KDM4C: variants seen among roughly 807,000 people sequenced by gnomAD.
The protein encoded by KDM4C is lysine-specific demethylase 4C.
In KDM4C, 81 loss-of-function variants were observed where a neutral mutation model predicts 129.3. The observed-to-expected ratio is 0.63, with a 90% confidence interval of 0.52 to 0.75. KDM4C has a LOEUF of 0.75. Among genes scored for constraint, KDM4C ranks in the 30% least tolerant of loss-of-function variants. The pLI, the probability that KDM4C is intolerant of heterozygous loss-of-function variation, is 0.00. For synonymous variants in KDM4C, 573 were observed against 456.1 expected, an observed-to-expected ratio of 1.26 and a Z score of -3.26; for missense variants, 1,457 against 1,304.0, an observed-to-expected ratio of 1.12 and a Z score of -1.81.
At chr9:7,069,340 G>A (rs535364595) in intron 17 of KDM4C, among the ~76,000 whole-genome samples, 8 of 152,070 alleles carry the variant, frequency 5.3e-5, no homozygotes, top group South Asian at 2.1e-4. Flanking sequence ...AGAATATTAC[G>A]CATATTTAAT....
chr9:7,048,320 A>G (rs749087029), intron 16 of KDM4C, among the ~76,000 whole-genome samples: 1 of 152,150 alleles, frequency 6.6e-6, no homozygotes, highest in African/African-American at 2.4e-5. Flanking sequence ...CTTGAAAGAC[A>G]GGATAGAGTC....
intron 4 of KDM4C, among the ~76,000 whole-genome samples, chr9:6,833,938 T>C (rs1366419299): frequency 6.6e-6 from 1 of 152,132 alleles, no homozygotes; most frequent in Non-Finnish European, 1.5e-5. Context: ...AGAAAATGCC[T>C]CTGTCGTTTT....
intron 4 of KDM4C, among the ~76,000 whole-genome samples, chr9:6,842,108 T>C (rs1837040753): frequency 6.6e-6 from 1 of 152,192 alleles, no homozygotes; most frequent in Non-Finnish European, 1.5e-5. Flanking sequence ...ATGGAGTAAC[T>C]GATAGAGCTA....
At chr9:6,948,255 T>A (rs1051012294) in intron 8 of KDM4C, 5 of 152,240 alleles carry the variant, frequency 3.3e-5, no homozygotes, top group African/African-American at 1.2e-4. Flanking sequence ...ATGAATAAAT[T>A]TGCAAAACTA....
At chr9:6,868,654 G>A (rs960152208) in intron 5 of KDM4C, among the ~76,000 whole-genome samples, 1 of 151,982 alleles carries the variant, frequency 6.6e-6, no homozygotes, top group Non-Finnish European at 1.5e-5. Context: ...ACTGACCAGA[G>A]AAACAGTTTG....
chr9:6,831,708 T>G (rs945742016), intron 4 of KDM4C, among the ~76,000 whole-genome samples: 1 of 152,042 alleles, frequency 6.6e-6, no homozygotes, highest in Non-Finnish European at 1.5e-5. Flanking sequence ...TGTCTGAATG[T>G]CTCATGGAAG....
At chr9:6,996,915 G>A (rs1819860696) in intron 12 of KDM4C, among the ~76,000 whole-genome samples, 1 of 152,132 alleles carries the variant, frequency 6.6e-6, no homozygotes. Flanking sequence ...TGGGTTATCT[G>A]ATAATACCCT....
chr9:6,726,143 G>A (rs1817120663), intron 1 of KDM4C, among the ~76,000 whole-genome samples: 1 of 151,746 alleles, frequency 6.6e-6, no homozygotes, highest in South Asian at 2.1e-4. Flanking sequence ...CGGCCAGACT[G>A]GTCTCAAACT....
chr9:7,170,498 A>G (rs1844850050), intron 21 of KDM4C: 1 of 978,392 alleles, frequency 1.0e-6, no homozygotes. Context: ...TAAAAGATGA[A>G]CAAACATGGA....
chr9:6,998,839 C>T (rs542848155), intron 12 of KDM4C, among the ~76,000 whole-genome samples: 1 of 152,042 alleles, frequency 6.6e-6, no homozygotes, highest in African/African-American at 2.4e-5. Context: ...ACAACAACAA[C>T]AAAAAATTGT....
At chr9:6,773,911 T>A (rs1319676722) in intron 1 of KDM4C, among the ~76,000 whole-genome samples, 1 of 151,874 alleles carries the variant, frequency 6.6e-6, no homozygotes, top group Non-Finnish European at 1.5e-5. Flanking sequence ...AGGCATTTAT[T>A]TTATTTATTT....
intron 8 of KDM4C, among the ~76,000 whole-genome samples, chr9:6,935,949 A>G (rs1280689616): frequency 1.3e-5 from 2 of 151,826 alleles, no homozygotes; most frequent in Non-Finnish European, 2.9e-5. Context: ...AGAGTTTTAA[A>G]ATGTCATCTT....
At chr9:6,984,886 G>A (rs954397709) in intron 10 of KDM4C, among the ~76,000 whole-genome samples, 4 of 152,176 alleles carry the variant, frequency 2.6e-5, no homozygotes, top group East Asian at 3.9e-4. Flanking sequence ...TTGTACTAAA[G>A]CCATTGTCTG....
chr9:6,959,733 C>T (rs918729609), intron 8 of KDM4C, among the ~76,000 whole-genome samples: 1 of 152,038 alleles, frequency 6.6e-6, no homozygotes, highest in African/African-American at 2.4e-5. Flanking sequence ...TTAGGCTACA[C>T]GAATTATGAC....
intron 15 of KDM4C, among the ~76,000 whole-genome samples, chr9:7,016,180 T>C (rs818884): frequency 0.93 from 141,042 of 151,442 alleles, 65,777 homozygotes; most frequent in Admixed American, 0.97. Flanking sequence ...CAGGCTAGAG[T>C]GCAGTGGCAA....
intron 19 of KDM4C, among the ~76,000 whole-genome samples, chr9:7,160,590 C>T (rs1318380434): frequency 6.6e-6 from 1 of 152,170 alleles, no homozygotes; most frequent in African/African-American, 2.4e-5. Flanking sequence ...TCAGGTCATT[C>T]AGCTGCAGGT....
chr9:7,071,906 A>G (rs1348484654), intron 17 of KDM4C, among the ~76,000 whole-genome samples: 1 of 152,188 alleles, frequency 6.6e-6, no homozygotes, highest in African/African-American at 2.4e-5. Flanking sequence ...GAATATTTGC[A>G]CAACACACAC....
chr9:7,047,092 C>T lies in KDM4C; in HGVS notation c.2315+175C>T, dbSNP rs577610111. On this transcript the variant is annotated intron_variant, in intron 16 of 21. Coordinates refer to ENST00000381309, the MANE Select transcript of KDM4C (RefSeq NM_015061.6). ...ACTTCTACTGTTTGCACTCTCATCT[C>T]GGCAGGGCAAGAGCAGTCCAAGTTA... Among the ~76,000 whole-genome samples the T allele has an allele frequency of 5.9e-5, 9 of 152,100 alleles. 1 individual carries two copies. Among genetic ancestry groups the T allele is most frequent in the Admixed American group, 3.9e-4 (6 of 15,260 alleles).
intron 4 of KDM4C, among the ~76,000 whole-genome samples, chr9:6,825,509 G>A (rs1235872952): frequency 1.3e-5 from 2 of 152,130 alleles, no homozygotes; most frequent in African/African-American, 4.8e-5. Flanking sequence ...ATATGTTTCT[G>A]AAAGAACGAA....
Sources: gnomAD v4.1 joint callset for allele counts (sites outside exome capture counted in the v4.1 genomes callset) on GRCh38, gnomAD v4.1.1 for gene constraint, MANE v1.5 for transcripts, NCBI Gene and HGNC (gene_info 2026-07-23, HGNC 2026-07-21) for gene names.